IMMP2L: variants seen among roughly 807,000 people sequenced by gnomAD.
IMMP2L encodes the protein inner mitochondrial membrane peptidase subunit 2, also known as mitochondrial inner membrane protease subunit 2.
In IMMP2L, 18 loss-of-function variants were observed where a neutral mutation model predicts 19.3. The ratio of observed to expected loss-of-function variants is 0.93; its 90% CI spans 0.64 to 1.38. IMMP2L has a LOEUF of 1.38. IMMP2L is among the 40% of genes most tolerant of loss of function. The probability of loss-of-function intolerance (pLI) is 0.00; values close to 1 mark genes in which losing one functional copy is unlikely to be tolerated. For missense variants in IMMP2L, 233 were observed against 218.2 expected, an observed-to-expected ratio of 1.07 and a Z score of -0.43; for synonymous variants, 76 against 73.0, an observed-to-expected ratio of 1.04 and a Z score of -0.21.
intron 1 of IMMP2L, among the ~76,000 whole-genome samples, chr7:111,555,708 T>C (rs765660163): frequency 1.3e-4 from 19 of 151,988 alleles, no homozygotes; most frequent in Non-Finnish European, 2.2e-4. Flanking sequence ...TTACCTATCT[T>C]ATGGCAAAAA....
rs1052417059 is a variant in IMMP2L at position 111,323,485 on chromosome 7, G to A, written c.239+163753C>T. ...AGAATGACAATCATTAAAAAGTCAG[G>A]AAACAAAAGCTGCTGGAGAAGATAT... On this transcript the variant is annotated intron_variant, in intron 3 of 5. Coordinates refer to ENST00000405709, the MANE Select transcript of IMMP2L (RefSeq NM_032549.4). Among the ~76,000 whole-genome samples, 3 of 152,012 alleles carry A rather than the reference G, an allele frequency of 2.0e-5. No homozygotes were observed. The South Asian group carries it at 6.2e-4, about 32-fold the overall frequency.
intron 3 of IMMP2L, among the ~76,000 whole-genome samples, chr7:111,273,598 G>A (rs1584394057): frequency 1.3e-5 from 2 of 152,060 alleles, no homozygotes; most frequent in African/African-American, 2.4e-5. Flanking sequence ...GGAGGTGCAC[G>A]TGCAATATTG....
chr7:111,087,353 G>A (rs972217448), intron 3 of IMMP2L, among the ~76,000 whole-genome samples: 10 of 151,746 alleles, frequency 6.6e-5, no homozygotes, highest in African/African-American at 2.4e-4. Flanking sequence ...GGAGGCTGAG[G>A]CAGGAGAATC....
chr7:110,670,462 G>C (rs1209449284), intron 5 of IMMP2L, among the ~76,000 whole-genome samples: 1 of 152,148 alleles, frequency 6.6e-6, no homozygotes, highest in Non-Finnish European at 1.5e-5. Context: ...GGCCGAGGTG[G>C]ACAGATCACT....
intron 5 of IMMP2L, among the ~76,000 whole-genome samples, chr7:110,835,312 T>C (rs980065592): frequency 3.1e-4 from 47 of 152,268 alleles, no homozygotes; most frequent in African/African-American, 1.1e-3. Flanking sequence ...TGTTAAAGAA[T>C]AAAGGTGTTT....
At chr7:110,774,362 G>T (rs1799237803) in intron 5 of IMMP2L, among the ~76,000 whole-genome samples, 1 of 151,982 alleles carries the variant, frequency 6.6e-6, no homozygotes, top group African/African-American at 2.4e-5. Context: ...TGTAAAAATG[G>T]TACTAAGTGA....
chr7:111,309,308 G>A (rs919153686), intron 3 of IMMP2L, among the ~76,000 whole-genome samples: 1 of 152,106 alleles, frequency 6.6e-6, no homozygotes, highest in Non-Finnish European at 1.5e-5. Flanking sequence ...ATGATTGCAA[G>A]AAATCAATTT....
chr7:111,268,065 A>G (rs892555499), intron 3 of IMMP2L, among the ~76,000 whole-genome samples: 3 of 152,180 alleles, frequency 2.0e-5, no homozygotes, highest in Admixed American at 2.0e-4. Flanking sequence ...AGTCACTGAT[A>G]CATTTACTTT....
intron 5 of IMMP2L, among the ~76,000 whole-genome samples, chr7:110,712,790 C>A (rs1410348057): frequency 8.0e-6 from 1 of 124,620 alleles, no homozygotes. Context: ...CGTCCGTCAC[C>A]CCTTTCTTTG....
intron 5 of IMMP2L, among the ~76,000 whole-genome samples, chr7:110,741,557 C>G (rs887916075): frequency 6.6e-6 from 1 of 152,188 alleles, no homozygotes; most frequent in Non-Finnish European, 1.5e-5. Context: ...AAAGCAAGCC[C>G]TCATCAGACA....
chr7:111,469,820 A>T (rs1672099195), intron 3 of IMMP2L, among the ~76,000 whole-genome samples: 1 of 152,156 alleles, frequency 6.6e-6, no homozygotes, highest in South Asian at 2.1e-4. Context: ...ATGGGCAAGG[A>T]CTTCATGTCT....
chr7:111,441,785 A>G lies in IMMP2L; in HGVS notation c.239+45453T>C, dbSNP rs542616302. ...CAATGAGATGAAACACAATTTTTTAAAAAAGTGTTCTTGTATACAACTAAC... is the reference window on the plus strand; with the variant it reads ...CAATGAGATGAAACACAATTTTTTAGAAAAGTGTTCTTGTATACAACTAAC... On this transcript the variant is annotated intron_variant, in intron 3 of 5. Transcript: ENST00000405709. Among the ~76,000 whole-genome samples, 56 of 151,830 alleles carry G rather than the reference A, an allele frequency of 3.7e-4. 2 individuals are homozygous for G. In the South Asian group the frequency reaches 0.011, roughly 31 times the overall value.
chr7:111,159,881 T>A (rs1202013249), intron 3 of IMMP2L, among the ~76,000 whole-genome samples: 2 of 152,154 alleles, frequency 1.3e-5, no homozygotes, highest in East Asian at 3.9e-4. Context: ...TTCTTTTTTT[T>A]ATTACTATGT....
rs942094522 is a variant in IMMP2L at position 111,042,390 on chromosome 7, A to G, written c.240-78825T>C. The stretch of plus-strand genomic sequence containing the variant: ...AGAAGGGGTTTCACCATGTTTGGCC[A>G]GACTGGTCTCAAACTCCTGACCTCA... On this transcript the variant is annotated intron_variant, in intron 3 of 5. Transcript: ENST00000405709. 1.8e-4 allele frequency among the ~76,000 whole-genome samples: 28 copies of G among 152,320 alleles called. 1 individual carries two copies. Among genetic ancestry groups the G allele is most frequent in the African/African-American group, 6.7e-4 (28 of 41,574 alleles).
intron 3 of IMMP2L, among the ~76,000 whole-genome samples, chr7:111,062,073 CT>C (rs1794067525): frequency 1.3e-5 from 2 of 152,086 alleles, no homozygotes; most frequent in African/African-American, 2.4e-5. Context: ...AAAGTATTTT[CT>C]GTAATTTAGA....
At position 110,727,273 on chromosome 7, in the gene IMMP2L, C is replaced by T. The variant is rs1403256026; in HGVS notation, c.409-63552G>A. 1.3e-5 allele frequency among the ~76,000 whole-genome samples: 2 copies of T among 152,106 alleles called. No homozygotes were observed. Among genetic ancestry groups the T allele is most frequent in the Non-Finnish European group, 2.9e-5 (2 of 68,020 alleles). On this transcript the variant is annotated intron_variant, in intron 5 of 5. Coordinates refer to ENST00000405709, the MANE Select transcript of IMMP2L (RefSeq NM_032549.4). This position sits in a 1 kb window ranked among gnomAD's most constrained non-coding sequence, Gnocchi z 4.3. The stretch of plus-strand genomic sequence containing the variant: ...GGGCAGGGTGGTGCATGCCTGAAAT[C>T]CCAGCTACTCAGGAGGCTGGGGCAG...
At chr7:110,929,846 T>C (rs759524602) in intron 4 of IMMP2L, among the ~76,000 whole-genome samples, 6 of 152,084 alleles carry the variant, frequency 3.9e-5, no homozygotes, top group Non-Finnish European at 8.8e-5. Flanking sequence ...GAAGGTGCCA[T>C]TTACAAAGAG....
At chr7:110,938,602 T>C (rs539146738) in intron 4 of IMMP2L, among the ~76,000 whole-genome samples, 1 of 152,266 alleles carries the variant, frequency 6.6e-6, no homozygotes, top group Non-Finnish European at 1.5e-5. Flanking sequence ...TGACGGAGTT[T>C]CTGATTAAAA....
At chr7:111,106,326 T>A (rs1222874732) in intron 3 of IMMP2L, among the ~76,000 whole-genome samples, 1 of 151,962 alleles carries the variant, frequency 6.6e-6, no homozygotes, top group South Asian at 2.1e-4. Flanking sequence ...CTTTTCAAAC[T>A]CTACAGACAT....
Sources: gnomAD v4.1 joint callset for allele counts (sites outside exome capture counted in the v4.1 genomes callset) on GRCh38, gnomAD v4.1.1 for gene constraint, Gnocchi (gnomAD v3.1) non-coding constraint, MANE v1.5 for transcripts, NCBI Gene and HGNC (gene_info 2026-07-23, HGNC 2026-07-21) for gene names.